Variants in DOK6 observed in about 807,000 individuals in gnomAD.
DOK6 encodes the protein downstream of tyrosine kinase 6.
Under a neutral mutation model 44.0 loss-of-function variants are expected in DOK6, and 22 were observed. The ratio of observed to expected loss-of-function variants is 0.50; its 90% CI spans 0.36 to 0.71. The LOEUF (loss-of-function observed/expected upper bound fraction) is 0.71, where lower values mean the gene tolerates loss of function less well. DOK6 is among the 30% of genes least tolerant of loss of function. The pLI is 0.00. For missense variants in DOK6, 340 were observed against 416.4 expected, an observed-to-expected ratio of 0.82 and a Z score of 1.60; for synonymous variants, 166 against 145.5, an observed-to-expected ratio of 1.14 and a Z score of -1.01.
At chr18:69,628,324 T>G (rs895384011) in intron 3 of DOK6, among the ~76,000 whole-genome samples, 2 of 152,078 alleles carry the variant, frequency 1.3e-5, no homozygotes, top group African/African-American at 4.8e-5. Flanking sequence ...AACCCCATGT[T>G]TACTAAAATA....
intron 1 of DOK6, among the ~76,000 whole-genome samples, chr18:69,546,934 C>T (rs555046602): frequency 3.4e-4 from 52 of 151,568 alleles, no homozygotes; most frequent in Admixed American, 3.0e-3. Context: ...AATTTGCTCA[C>T]GGTTCTTCAG....
At chr18:69,594,862 AC>A (rs1338420656) in intron 2 of DOK6, among the ~76,000 whole-genome samples, 1 of 152,020 alleles carries the variant, frequency 6.6e-6, no homozygotes, top group Non-Finnish European at 1.5e-5. Context: ...AAAAAGGAGC[AC>A]CTAAAGACTC....
intron 7 of DOK6, among the ~76,000 whole-genome samples, chr18:69,783,031 C>A (rs1231500346): frequency 6.6e-6 from 1 of 152,148 alleles, no homozygotes; most frequent in Non-Finnish European, 1.5e-5. Flanking sequence ...TGGTATATTT[C>A]GTTTGCTTGA....
Position 69,842,216 on chromosome 18 carries a change from A to G in DOK6, c.*833A>G, listed in dbSNP as rs1015804390. 1.3e-5 allele frequency: 2 copies of G among 152,050 alleles called. No individual in the cohort carries two copies. Among genetic ancestry groups the G allele is most frequent in the African/African-American group, 4.8e-5 (2 of 41,394 alleles). 9.4% of individuals were successfully genotyped at this position (152,050 alleles called of 1,614,324 possible). On this transcript the variant is annotated 3_prime_UTR_variant, in exon 8 of 8. Transcript: ENST00000382713. Reference sequence around the variant, plus strand: ...AGTCTGTTCCTAACAAGTGTAAGCAAAAATGTGAGAAGGGGAACATTCAGA... The same window carrying G: ...AGTCTGTTCCTAACAAGTGTAAGCAGAAATGTGAGAAGGGGAACATTCAGA...
At chr18:69,738,667 A>G (rs1978694968) in intron 5 of DOK6, among the ~76,000 whole-genome samples, 1 of 152,240 alleles carries the variant, frequency 6.6e-6, no homozygotes, top group Admixed American at 6.5e-5. Flanking sequence ...TCATTTAAAT[A>G]TTGGAAAGCA....
At chr18:69,469,748 CA>C in intron 1 of DOK6, 1 of 261,674 alleles carries the variant, frequency 3.8e-6, no homozygotes, top group South Asian at 3.5e-5. Flanking sequence ...CACGAGAGGC[CA>C]GGACGCCATC....
rs565881733 is a variant in DOK6 at position 69,457,000 on chromosome 18, T to C, written c.66+55690T>C. ...GCCCATTTTTAATGGGGTTATTTGA[T>C]TTTTGCTTGTTGATTTGTTTAAGTT... On this transcript the variant is annotated intron_variant, in intron 1 of 7. Coordinates refer to ENST00000382713, the MANE Select transcript of DOK6 (RefSeq NM_152721.6). Among the ~76,000 whole-genome samples the C allele has an allele frequency of 3.8e-4, 58 of 152,306 alleles. No homozygotes were observed. In the South Asian group the frequency reaches 0.012, roughly 30 times the overall value.
intron 7 of DOK6, among the ~76,000 whole-genome samples, chr18:69,763,178 G>A (rs1979616794): frequency 6.6e-6 from 1 of 152,270 alleles, no homozygotes; most frequent in East Asian, 1.9e-4. Flanking sequence ...AGCACATGTT[G>A]TACGAAGTAC....
chr18:69,629,861 G>A (rs570833885), intron 3 of DOK6, among the ~76,000 whole-genome samples: 1 of 152,286 alleles, frequency 6.6e-6, no homozygotes, highest in Admixed American at 6.5e-5. Context: ...TGCGATCTCA[G>A]CTCACTGAAA....
Position 69,846,957 on chromosome 18 carries a change from A to G in DOK6, c.*5574A>G, listed in dbSNP as rs1982358016. The G allele has an allele frequency of 6.6e-6, 1 of 152,198 alleles. No individual in the cohort carries two copies. Among genetic ancestry groups the G allele is most frequent in the African/African-American group, 2.4e-5 (1 of 41,452 alleles). The allele number at this position is 152,198 out of a possible 1,614,324, so 9.4% of individuals were successfully genotyped here. A position where few individuals can be genotyped will look rare whatever the true frequency, so the allele number is the denominator to read the frequency against. The stretch of plus-strand genomic sequence containing the variant: ...ATTTAAATTAACTGAAGTTTAAATA[A>G]GAAATATGTTAAAATTACTAAATAA... On this transcript the variant is annotated 3_prime_UTR_variant, in exon 8 of 8. Transcript: ENST00000382713.
intron 2 of DOK6, among the ~76,000 whole-genome samples, chr18:69,586,734 C>G (rs981528292): frequency 3.9e-5 from 6 of 152,112 alleles, no homozygotes; most frequent in African/African-American, 1.4e-4. Flanking sequence ...CAAAGAGAGG[C>G]TTTGTGCTTA....
At chr18:69,803,842 A>G (rs1980975544) in intron 7 of DOK6, among the ~76,000 whole-genome samples, 1 of 152,152 alleles carries the variant, frequency 6.6e-6, no homozygotes, top group Non-Finnish European at 1.5e-5. Flanking sequence ...CTGGGCACAG[A>G]GCAAGGCTCC....
At chr18:69,794,388 T>C (rs2145100213) in intron 7 of DOK6, among the ~76,000 whole-genome samples, 1 of 152,304 alleles carries the variant, frequency 6.6e-6, no homozygotes, top group East Asian at 1.9e-4. Flanking sequence ...GAATGCCTAT[T>C]TTCAATTCCA....
chr18:69,674,339 G>T (rs1458415285), intron 3 of DOK6, among the ~76,000 whole-genome samples: 4 of 152,142 alleles, frequency 2.6e-5, no homozygotes, highest in Non-Finnish European at 4.4e-5. Flanking sequence ...GAAGTTTTAG[G>T]ACTGATCTTA....
intron 1 of DOK6, among the ~76,000 whole-genome samples, chr18:69,481,636 G>A (rs931473715): frequency 2.0e-5 from 3 of 152,086 alleles, no homozygotes; most frequent in African/African-American, 7.2e-5. Flanking sequence ...TGGACATTTG[G>A]GTTGGTTCCA....
chr18:69,744,051 A>C (rs1289786560), intron 6 of DOK6, among the ~76,000 whole-genome samples: 1 of 152,180 alleles, frequency 6.6e-6, no homozygotes, highest in Non-Finnish European at 1.5e-5. Context: ...TCTGGTGGAC[A>C]GAAAAAGAAA....
chr18:69,500,726 C>T (rs149732750), intron 1 of DOK6, among the ~76,000 whole-genome samples: 304 of 152,150 alleles, frequency 2.0e-3, no homozygotes, highest in African/African-American at 6.7e-3. Context: ...GATGTGTTCA[C>T]CTTTATTAAT....
At chr18:69,709,139 C>G (rs1015772930) in intron 5 of DOK6, among the ~76,000 whole-genome samples, 4 of 152,218 alleles carry the variant, frequency 2.6e-5, no homozygotes, top group Admixed American at 2.6e-4. Context: ...CTTTTCAAAG[C>G]AAGTTCATGT....
chr18:69,841,390 G>C lies in DOK6; in HGVS notation c.*7G>C, dbSNP rs752154009. 2.5e-6 allele frequency: 4 copies of C among 1,614,138 alleles called. No individual in the cohort carries two copies. Among genetic ancestry groups the C allele is most frequent in the East Asian group, 2.2e-5 (1 of 44,870 alleles). ...CTCCAGCCTCATCCAATGACACACA[G>C]AGAGCCGCTGTTGACTAGAGAGACA... is the stretch of plus-strand genomic sequence containing the variant. On this transcript the variant is annotated 3_prime_UTR_variant, in exon 8 of 8. Coordinates refer to ENST00000382713, the MANE Select transcript of DOK6 (RefSeq NM_152721.6).
Sources: gnomAD v4.1 joint callset for allele counts (sites outside exome capture counted in the v4.1 genomes callset) on GRCh38, gnomAD v4.1.1 for gene constraint, MANE v1.5 for transcripts, NCBI Gene and HGNC (gene_info 2026-07-23, HGNC 2026-07-21) for gene names.